Variants in PTPN2 observed in about 807,000 individuals in gnomAD.
PTPN2 encodes protein tyrosine phosphatase non-receptor type 2, also known as tyrosine-protein phosphatase non-receptor type 2.
Under a neutral mutation model 57.3 loss-of-function variants are expected in PTPN2, and 19 were observed. The ratio of observed to expected loss-of-function variants is 0.33; its 90% CI spans 0.23 to 0.49. The LOEUF is 0.49. PTPN2 is among the 20% of genes least tolerant of loss of function. PTPN2 has a pLI of 0.99. For missense variants in PTPN2, 358 were observed against 501.1 expected (o/e 0.71, Z 2.73); for synonymous variants, 153 against 164.9 (o/e 0.93, Z 0.55).
At chr18:12,837,255 G>A (rs1463338313) in intron 2 of PTPN2, among the ~76,000 whole-genome samples, 1 of 152,064 alleles carries the variant, frequency 6.6e-6, no homozygotes, top group Non-Finnish European at 1.5e-5. Flanking sequence ...CCTACAAAAC[G>A]ATAACTGGTC....
downstream of PTPN2, among the ~76,000 whole-genome samples, chr18:12,788,434 T>TTTTTTTTC (rs2040900055): frequency 1.4e-5 from 2 of 139,558 alleles, no homozygotes; most frequent in Non-Finnish European, 3.1e-5. Flanking sequence ...GATCAGGGCT[T>TTTTTTTTC]TTTTTTTTTT....
chr18:12,814,850 T>C lies in PTPN2; in HGVS notation c.706-495A>G, dbSNP rs373081777. On this transcript the variant is annotated intron_variant, in intron 6 of 8. Coordinates refer to ENST00000309660, the MANE Select transcript of PTPN2 (RefSeq NM_002828.4). ...GCTCATGCCTGTAATCCCAACACTT[T>C]GGGAGGCCAAATCACTTGAGGCCAG... Among the ~76,000 whole-genome samples, 21 of 152,084 alleles carry C rather than the reference T, an allele frequency of 1.4e-4. 1 individual carries two copies. Among genetic ancestry groups the C allele is most frequent in the African/African-American group, 4.8e-4 (20 of 41,478 alleles).
intron 1 of PTPN2, among the ~76,000 whole-genome samples, chr18:12,883,133 G>A (rs2044719384): frequency 6.6e-6 from 1 of 152,194 alleles, no homozygotes; most frequent in Non-Finnish European, 1.5e-5. Context: ...GAGGGGATGA[G>A]GGCACTTTCT....
chr18:12,863,027 A>G (rs571398956), intron 1 of PTPN2, among the ~76,000 whole-genome samples: 1 of 152,292 alleles, frequency 6.6e-6, no homozygotes, highest in East Asian at 1.9e-4. Context: ...ACATTGCATA[A>G]GCAATAAAAT....
chr18:12,867,612 G>T (rs1398325449), intron 1 of PTPN2, among the ~76,000 whole-genome samples: 1 of 147,180 alleles, frequency 6.8e-6, no homozygotes, highest in Non-Finnish European at 1.5e-5. Flanking sequence ...AGTCTTCCTT[G>T]TCGCTTAATA....
At chr18:12,808,232 T>C (rs2040318317) in intron 7 of PTPN2, among the ~76,000 whole-genome samples, 1 of 152,110 alleles carries the variant, frequency 6.6e-6, no homozygotes, top group Non-Finnish European at 1.5e-5. Flanking sequence ...CATAAAATCC[T>C]CTCTTCTGGC....
At chr18:12,845,430 T>A (rs2043178024) in intron 2 of PTPN2, among the ~76,000 whole-genome samples, 2 of 152,218 alleles carry the variant, frequency 1.3e-5, no homozygotes, top group South Asian at 4.1e-4. Context: ...TCCAACATAT[T>A]CCATTTTCTT....
chr18:12,809,359 T>G (rs531046215), intron 7 of PTPN2, among the ~76,000 whole-genome samples: 2 of 152,128 alleles, frequency 1.3e-5, no homozygotes, highest in East Asian at 3.9e-4. Flanking sequence ...GGAAGAAGAG[T>G]GTATCTGGGC....
In PTPN2 at chr18:12,824,859, G is replaced by C. The variant is rs562573027; in HGVS notation, c.495+951C>G. ...TCAACACTTTGGGAGGCCAAGGTGG[G>C]AGGATCGCTTGAGCTCAGGAGTTTG... On this transcript the variant is annotated intron_variant, in intron 5 of 8. Transcript: ENST00000309660. 5.3e-5 allele frequency among the ~76,000 whole-genome samples: 8 copies of C among 152,274 alleles called. No individual in the cohort carries two copies. The South Asian group carries it at 1.7e-3, about 32-fold the overall frequency.
At chr18:12,841,234 A>T (rs1390666300) in intron 2 of PTPN2, among the ~76,000 whole-genome samples, 1 of 152,162 alleles carries the variant, frequency 6.6e-6, no homozygotes, top group African/African-American at 2.4e-5. Flanking sequence ...GTGTAGCGGC[A>T]GGACTGGCAG....
At chr18:12,846,340 G>A (rs1468114141) in intron 2 of PTPN2, among the ~76,000 whole-genome samples, 4 of 152,106 alleles carry the variant, frequency 2.6e-5, no homozygotes, top group Non-Finnish European at 5.9e-5. Flanking sequence ...ACCAACTTTA[G>A]TATCCATTTC....
chr18:12,836,744 C>T, intron 3 of PTPN2, 47 bp downstream of exon 3: 1 of 1,223,802 alleles, frequency 8.2e-7, no homozygotes, highest in Admixed American at 1.8e-5. Context: ...GCAGAACAAG[C>T]ACAAACACAT....
intron 4 of PTPN2, among the ~76,000 whole-genome samples, chr18:12,826,762 T>A (rs2042476680): frequency 6.6e-6 from 1 of 151,808 alleles, no homozygotes; most frequent in African/African-American, 2.4e-5. Flanking sequence ...AGAGACAGGG[T>A]TTTGCCATGT....
chr18:12,847,684 G>A (rs1437330728), intron 2 of PTPN2, among the ~76,000 whole-genome samples: 1 of 149,332 alleles, frequency 6.7e-6, no homozygotes, highest in Non-Finnish European at 1.5e-5. Context: ...ATGCAATGGC[G>A]CAATCTCGGC....
chr18:12,830,316 A>C (rs1313615197), intron 4 of PTPN2, among the ~76,000 whole-genome samples: 1 of 152,090 alleles, frequency 6.6e-6, no homozygotes, highest in Non-Finnish European at 1.5e-5. Flanking sequence ...TATTTTTAGT[A>C]GAGACGGGGT....
chr18:12,823,403 T>G (rs658158), intron 5 of PTPN2, among the ~76,000 whole-genome samples: 117,192 of 152,086 alleles, frequency 0.77, 46,046 homozygotes, highest in Middle Eastern at 0.87. Context: ...GCCGGGCGTG[T>G]TGGCTCACAC....
At chr18:12,861,190 G>A (rs1367362392) in intron 1 of PTPN2, among the ~76,000 whole-genome samples, 4 of 152,214 alleles carry the variant, frequency 2.6e-5, no homozygotes, top group South Asian at 2.1e-4. Context: ...TTTCTAATAT[G>A]AAACTTCTCC....
chr18:12,786,584 A>G (rs1568067056), intron 9 of PTPN2: 1 of 152,236 alleles, frequency 6.6e-6, no homozygotes, highest in South Asian at 2.1e-4. Flanking sequence ...AAACTTTGCA[A>G]GTAACAACTT....
At chr18:12,849,763 T>C (rs1435265821) in intron 2 of PTPN2, among the ~76,000 whole-genome samples, 2 of 152,128 alleles carry the variant, frequency 1.3e-5, no homozygotes, top group African/African-American at 4.8e-5. Flanking sequence ...GCCCAGTGTT[T>C]TCTTTGTGGA....
Sources: allele counts gnomAD v4.1 joint callset (sites outside exome capture counted in the v4.1 genomes callset), GRCh38; gene constraint gnomAD v4.1.1; transcripts MANE v1.5; gene names NCBI Gene and HGNC (gene_info 2026-07-23, HGNC 2026-07-21).